The following MEIS2 variants were observed in gnomAD, a reference collection of about 807,000 sequenced individuals.
MEIS2 encodes homeobox protein Meis2.
In MEIS2, 9 loss-of-function variants were observed where a neutral mutation model predicts 58.6. The observed-to-expected ratio is 0.15, with a 90% confidence interval of 0.09 to 0.27. The LOEUF (loss-of-function observed/expected upper bound fraction) is 0.27. MEIS2 is among the 10% of genes least tolerant of loss of function. MEIS2 has a pLI of 1.00. For synonymous variants in MEIS2, 221 were observed against 228.4 expected (o/e 0.97, Z 0.29); for missense variants, 427 against 635.0 (o/e 0.67, Z 3.52).
intron 8 of MEIS2, among the ~76,000 whole-genome samples, chr15:37,007,307 T>C (rs1477484011): frequency 6.6e-6 from 1 of 151,914 alleles, no homozygotes; most frequent in Non-Finnish European, 1.5e-5. Context: ...GGTGGGAGGA[T>C]CAATGGAAGC....
intron 8 of MEIS2, among the ~76,000 whole-genome samples, chr15:36,982,156 C>A (rs1011748775): frequency 9.2e-5 from 14 of 152,166 alleles, no homozygotes; most frequent in African/African-American, 3.1e-4. Flanking sequence ...ATATATCTCT[C>A]TATATCCTAT....
intron 10 of MEIS2, 135 bp from the exon 11 acceptor site, chr15:36,895,396 G>T (rs544800086): frequency 1.2e-5 from 8 of 694,516 alleles, no homozygotes; most frequent in South Asian, 1.8e-5. Context: ...GGTGTGGTTT[G>T]TCTGAGTGTC....
intron 8 of MEIS2, among the ~76,000 whole-genome samples, chr15:36,951,287 T>C (rs951100509): frequency 4.6e-5 from 7 of 152,150 alleles, no homozygotes; most frequent in Non-Finnish European, 1.0e-4. Context: ...GTATACATAA[T>C]TATGAAATAT....
intron 8 of MEIS2, among the ~76,000 whole-genome samples, chr15:36,975,301 T>C (rs2059704018): frequency 1.3e-5 from 2 of 152,210 alleles, no homozygotes; most frequent in South Asian, 2.1e-4. Context: ...AATACTGAAG[T>C]TTTTTCTAAC....
intron 9 of MEIS2, among the ~76,000 whole-genome samples, chr15:36,916,034 A>C (rs1195637399): frequency 6.6e-6 from 1 of 152,208 alleles, no homozygotes; most frequent in East Asian, 1.9e-4. Flanking sequence ...TAGCTAATGT[A>C]TATTTTAGGT....
chr15:36,988,612 G>A (rs1355137075), intron 8 of MEIS2, among the ~76,000 whole-genome samples: 1 of 152,174 alleles, frequency 6.6e-6, no homozygotes, highest in East Asian at 1.9e-4. Flanking sequence ...TCATTACATA[G>A]TGGATTTGTA....
chr15:36,901,907 C>T (rs1012012409), intron 9 of MEIS2, among the ~76,000 whole-genome samples: 1 of 152,202 alleles, frequency 6.6e-6, no homozygotes, highest in Non-Finnish European at 1.5e-5. Context: ...CTACTTTGAG[C>T]ATGCCCTTCT....
chr15:36,984,198 G>A (rs4924113), intron 8 of MEIS2, among the ~76,000 whole-genome samples: 145,745 of 152,154 alleles, frequency 0.96, 70,110 homozygotes, highest in East Asian at 1. Context: ...AGAAGTGGTG[G>A]GAGTGAGTTT....
intron 11 of MEIS2, among the ~76,000 whole-genome samples, chr15:36,892,819 T>C (rs1821911159): frequency 6.6e-6 from 1 of 152,258 alleles, no homozygotes; most frequent in South Asian, 2.1e-4. Flanking sequence ...TATTTTTCTG[T>C]GTTGCATTTG....
chr15:37,081,576 G>A (rs1314371968), intron 7 of MEIS2, among the ~76,000 whole-genome samples: 1 of 152,158 alleles, frequency 6.6e-6, no homozygotes, highest in African/African-American at 2.4e-5. Flanking sequence ...AAAGTCTGCT[G>A]TAAAAAGCCA....
chr15:37,042,512 T>A (rs2062471932), intron 7 of MEIS2, among the ~76,000 whole-genome samples: 1 of 152,242 alleles, frequency 6.6e-6, no homozygotes, highest in Admixed American at 6.5e-5. Context: ...AGTCCAGGCA[T>A]GGCAACTTCA....
intron 7 of MEIS2, among the ~76,000 whole-genome samples, chr15:37,061,265 AGG>A (rs1889177322): frequency 6.6e-6 from 1 of 152,192 alleles, no homozygotes. Context: ...TGGGGATTAA[AGG>A]GATTGGGATG....
chr15:37,042,813 T>C (rs1459336234), intron 7 of MEIS2, among the ~76,000 whole-genome samples: 2 of 152,124 alleles, frequency 1.3e-5, no homozygotes, highest in African/African-American at 4.8e-5. Flanking sequence ...TTTTCATAAC[T>C]GGTTTAACAC....
chr15:37,093,946 C>T (rs1026630110), intron 5 of MEIS2: 7 of 542,224 alleles, frequency 1.3e-5, no homozygotes, highest in African/African-American at 5.6e-5. Context: ...CCAGAGACTT[C>T]TCTGAGCAAC....
chr15:36,995,725 A>AAAAC (rs2060458663), intron 8 of MEIS2, among the ~76,000 whole-genome samples: 2 of 44,554 alleles, frequency 4.5e-5, no homozygotes, highest in Non-Finnish European at 9.9e-5. Context: ...AAAAAAAAAA[A>AAAAC]AAAAAACAAA....
chr15:37,065,847 G>A (rs2141855025), intron 7 of MEIS2, among the ~76,000 whole-genome samples: 1 of 152,284 alleles, frequency 6.6e-6, no homozygotes, highest in East Asian at 1.9e-4. Context: ...GGAATTGGCA[G>A]ACTTTCTTGG....
In MEIS2 at chr15:36,919,782, T is replaced by G. The variant is rs563282173; in HGVS notation, c.978-23096A>C. On this transcript the variant is annotated intron_variant, in intron 9 of 11. Coordinates refer to ENST00000561208, the MANE Select transcript of MEIS2 (RefSeq NM_170675.5). The stretch of plus-strand genomic sequence containing the variant: ...TATCTACAATGACCCATTATTAGAA[T>G]GTAGATGAAATAGAGCAAGTAATAA... Among the ~76,000 whole-genome samples the G allele has an allele frequency of 2.3e-3, 348 of 152,316 alleles. 2 individuals are homozygous for G. Among genetic ancestry groups the G allele is most frequent in the African/African-American group, 7.8e-3 (325 of 41,580 alleles).
chr15:37,010,014 C>G (rs2061076830), intron 8 of MEIS2, among the ~76,000 whole-genome samples: 1 of 152,136 alleles, frequency 6.6e-6, no homozygotes, highest in Admixed American at 6.5e-5. Flanking sequence ...AGACACACCC[C>G]ATTTGATGTG....
At chr15:36,967,283 G>A (rs1004953942) in intron 8 of MEIS2, among the ~76,000 whole-genome samples, 6 of 152,048 alleles carry the variant, frequency 3.9e-5, no homozygotes, top group African/African-American at 1.2e-4. Context: ...TCCTGTTGGT[G>A]GGTCTTAAAA....
Sources: gnomAD v4.1 joint callset for allele counts (sites outside exome capture counted in the v4.1 genomes callset) on GRCh38, gnomAD v4.1.1 for gene constraint, MANE v1.5 for transcripts, NCBI Gene and HGNC (gene_info 2026-07-23, HGNC 2026-07-21) for gene names.